DISP1: variants seen among roughly 807,000 people sequenced by gnomAD.
DISP1 encodes the protein protein dispatched homolog 1.
In DISP1, 30 loss-of-function variants were observed where a neutral mutation model predicts 37.3. The ratio of observed to expected loss-of-function variants is 0.80; its 90% CI spans 0.60 to 1.09. The LOEUF (loss-of-function observed/expected upper bound fraction) is 1.09, where lower values mean the gene tolerates loss of function less well. Among genes scored for constraint, DISP1 ranks in the 50% least tolerant of loss-of-function variants. The pLI is 0.00. For synonymous variants in DISP1, 634 were observed against 690.2 expected (o/e 0.92, Z 1.28); for missense variants, 1,598 against 1,879.5 (o/e 0.85, Z 2.77).
chr1:222,916,430 A>G (rs2125432451), intron 1 of DISP1, among the ~76,000 whole-genome samples: 1 of 152,338 alleles, frequency 6.6e-6, no homozygotes, highest in South Asian at 2.1e-4. Flanking sequence ...GGCTTTCAGC[A>G]TTGGAGTTTG....
intron 1 of DISP1, among the ~76,000 whole-genome samples, chr1:222,846,363 T>C (rs141271041): frequency 6.6e-6 from 1 of 152,168 alleles, no homozygotes; most frequent in South Asian, 2.1e-4. Flanking sequence ...TGGTGGCGCA[T>C]GCCTGTAATC....
chr1:222,923,230 G>C (rs1672904514), intron 1 of DISP1, among the ~76,000 whole-genome samples: 1 of 152,156 alleles, frequency 6.6e-6, no homozygotes, highest in African/African-American at 2.4e-5. Context: ...AAGAGACATG[G>C]TGGTCAAGAT....
At chr1:222,847,139 A>G (rs530306525) in intron 1 of DISP1, among the ~76,000 whole-genome samples, 1 of 152,254 alleles carries the variant, frequency 6.6e-6, no homozygotes, top group African/African-American at 2.4e-5. Flanking sequence ...TATTATCCTT[A>G]TTTATTTTGA....
chr1:222,987,084 A>G (rs893145972), intron 4 of DISP1, among the ~76,000 whole-genome samples: 4 of 151,836 alleles, frequency 2.6e-5, no homozygotes, highest in African/African-American at 4.8e-5. Context: ...AAATATATAT[A>G]TATATTTGTG....
At chr1:222,923,191 G>A (rs911702694) in intron 1 of DISP1, among the ~76,000 whole-genome samples, 2 of 152,170 alleles carry the variant, frequency 1.3e-5, no homozygotes, top group Non-Finnish European at 1.5e-5. Context: ...AATGAAGATG[G>A]ACTTGGGGAG....
At chr1:222,913,476 A>C (rs528975843) in intron 1 of DISP1, among the ~76,000 whole-genome samples, 2 of 152,296 alleles carry the variant, frequency 1.3e-5, no homozygotes, top group Admixed American at 1.3e-4. Context: ...TATTTCTCTT[A>C]TAATCATTCT....
At chr1:222,898,884 T>C (rs1427258168) in intron 1 of DISP1, among the ~76,000 whole-genome samples, 4 of 152,156 alleles carry the variant, frequency 2.6e-5, no homozygotes, top group Non-Finnish European at 4.4e-5. Flanking sequence ...AATTAACTTA[T>C]CTAGTTGATA....
intron 3 of DISP1, among the ~76,000 whole-genome samples, chr1:222,951,587 T>C (rs1675226791): frequency 3.3e-5 from 5 of 152,196 alleles, no homozygotes; most frequent in African/African-American, 7.2e-5. Context: ...TTGACGCAGA[T>C]CCCACAGTCT....
intron 1 of DISP1, among the ~76,000 whole-genome samples, chr1:222,853,072 T>C (rs1668359389): frequency 6.6e-6 from 1 of 152,154 alleles, no homozygotes; most frequent in South Asian, 2.1e-4. Flanking sequence ...ATAGAAAAAT[T>C]AGTTATTTCA....
intron 1 of DISP1, chr1:222,872,245 C>G (rs546990353): frequency 1.3e-5 from 2 of 152,136 alleles, no homozygotes; most frequent in Non-Finnish European, 2.9e-5. Context: ...GTCTAAAATT[C>G]TCTTTTTTTG....
chr1:222,852,172 CCAACTCA>C (rs1668284158), intron 1 of DISP1, among the ~76,000 whole-genome samples: 1 of 151,476 alleles, frequency 6.6e-6, no homozygotes, highest in Non-Finnish European at 1.5e-5. Flanking sequence ...AAGGAAAACT[CCAACTCA>C]AAAATAAATA....
At chr1:222,831,330 G>A (rs1665688100) in intron 1 of DISP1, among the ~76,000 whole-genome samples, 1 of 152,064 alleles carries the variant, frequency 6.6e-6, no homozygotes, top group South Asian at 2.1e-4. Context: ...TAAAAAATGG[G>A]GAGATTATTT....
At chr1:222,823,758 A>T (rs775888670) in intron 1 of DISP1, 1 of 152,016 alleles carries the variant, frequency 6.6e-6, no homozygotes, top group Non-Finnish European at 1.5e-5. Context: ...CACCCAAAGA[A>T]TTAGCAAAGT....
intron 1 of DISP1, among the ~76,000 whole-genome samples, chr1:222,844,853 C>T (rs1667814364): frequency 6.6e-6 from 1 of 152,018 alleles, no homozygotes; most frequent in East Asian, 1.9e-4. Flanking sequence ...TTAGAATAAC[C>T]CCCCAGCAAC....
At chr1:222,849,091 A>T (rs1335886589) in intron 1 of DISP1, among the ~76,000 whole-genome samples, 1 of 152,174 alleles carries the variant, frequency 6.6e-6, no homozygotes, top group Admixed American at 6.5e-5. Flanking sequence ...TAATAAAATG[A>T]TGGTAATTTC....
chr1:223,002,436 T>TCCTGCTGCCC lies in DISP1; in HGVS notation c.1041_1050dup (p.Ser351LeufsTer17), dbSNP rs1314755533. 1 of 1,614,096 alleles carries TCCTGCTGCCC rather than the reference T, an allele frequency of 6.2e-7. No homozygotes were observed. Among genetic ancestry groups the TCCTGCTGCCC allele is most frequent in the Non-Finnish European group, 8.5e-7 (1 of 1,180,010 alleles). On this transcript the variant is annotated frameshift_variant, in exon 9 of 9. Coordinates refer to ENST00000675850, the MANE Select transcript of DISP1 (RefSeq NM_001377229.1). LOFTEE classifies it low-confidence loss of function (END_TRUNC). Reference sequence around the variant, plus strand: ...TCTCTGCCAGAGGACCACTGCTGCCTCCTGCTGCCCCAGCTGGACACTGGG... The same window carrying TCCTGCTGCCC: ...TCTCTGCCAGAGGACCACTGCTGCCTCCTGCTGCCCCCTGCTGCCCCAGCTGGACACTGGG...
chr1:222,990,591 G>T (rs760759316), intron 4 of DISP1, 34 bp from the exon 5 acceptor site: 13 of 1,613,388 alleles, frequency 8.1e-6, no homozygotes, highest in Non-Finnish European at 1.1e-5. Flanking sequence ...TAGTTATGCA[G>T]CTCTGATAGC....
intron 3 of DISP1, among the ~76,000 whole-genome samples, chr1:222,953,732 G>A (rs1418134076): frequency 6.6e-6 from 1 of 152,184 alleles, no homozygotes; most frequent in Admixed American, 6.5e-5. Context: ...AGGCTTGCTT[G>A]CCAAAGTAAG....
chr1:222,995,774 A>G (rs545635251), intron 8 of DISP1, among the ~76,000 whole-genome samples: 24 of 152,328 alleles, frequency 1.6e-4, no homozygotes, highest in Admixed American at 3.3e-4. Context: ...TGTTCTCAGC[A>G]TAACTCTAAA....
Sources: gnomAD v4.1 joint callset for allele counts (sites outside exome capture counted in the v4.1 genomes callset) on GRCh38, gnomAD v4.1.1 for gene constraint, MANE v1.5 for transcripts, NCBI Gene and HGNC (gene_info 2026-07-23, HGNC 2026-07-21) for gene names.